Variants in GNAS observed in about 807,000 individuals in gnomAD.
The protein encoded by GNAS is protein ALEX.
In GNAS, 8 loss-of-function variants were observed where a neutral mutation model predicts 54.5. The ratio of observed to expected loss-of-function variants is 0.15; its 90% CI spans 0.09 to 0.26. The LOEUF (loss-of-function observed/expected upper bound fraction) is 0.26, where lower values mean the gene tolerates loss of function less well. GNAS is among the 10% of genes least tolerant of loss of function. The pLI, the probability that GNAS is intolerant of heterozygous loss-of-function variation, is 1.00. For synonymous variants in GNAS, 204 were observed against 191.4 expected (o/e 1.07, Z -0.54); for missense variants, 170 against 529.8 (o/e 0.32, Z 6.67).
upstream of GNAS, chr20:58,840,346 C>T: frequency 1.2e-6 from 2 of 1,613,208 alleles, no homozygotes; most frequent in Non-Finnish European, 1.7e-6. This position sits in a 1 kb window ranked among gnomAD's most constrained non-coding sequence, Gnocchi z 6.0. Context: ...CTGAGTCCCC[C>T]GAATCGGAAT....
Position 58,910,679 on chromosome 20 carries a change from G to C in GNAS, c.1039-4G>C, listed in dbSNP as rs575570315. The C allele has an allele frequency of 1.2e-6, 2 of 1,614,066 alleles. No individual in the cohort carries two copies. Among genetic ancestry groups the C allele is most frequent in the Admixed American group, 1.7e-5 (1 of 60,008 alleles). On this transcript the variant is annotated splice_polypyrimidine_tract_variant and splice_region_variant and intron_variant, in intron 12 of 12. Transcript: ENST00000371085. The surrounding 1 kb of genome is among the most constrained non-coding windows in gnomAD (Gnocchi z 5.8). ...CTGACAAGTCCCCTTGTTTGTGCCC[G>C]CAGAGGATCAGCACTGCCAGTGGAG...
At chr20:58,887,966 C>T (rs2088706745), upstream of GNAS, among the ~76,000 whole-genome samples, 1 of 152,134 alleles carries the variant, frequency 6.6e-6, no homozygotes, top group Non-Finnish European at 1.5e-5. Flanking sequence ...TTCAGTCATC[C>T]GGTTGAATGG....
At position 58,910,222 on chromosome 20, in the gene GNAS, T is replaced by C; in HGVS notation, c.971-112T>C. The C allele has an allele frequency of 8.0e-7, 1 of 1,252,126 alleles. No homozygotes were observed. The highest frequency in any genetic ancestry group is 1.2e-6 in the Non-Finnish European group (1 of 849,938). 77.6% of individuals were successfully genotyped at this position (1,252,126 alleles called of 1,614,324 possible). A position where few individuals can be genotyped will look rare whatever the true frequency, so the allele number is the denominator to read the frequency against. On this transcript the variant is annotated intron_variant, in intron 11 of 12. Transcript: ENST00000371085. The surrounding 1 kb of genome is among the most constrained non-coding windows in gnomAD (Gnocchi z 5.8). ...AGCAAGAAAAACGCACTCCCACTAATTCTCATATGGAAAAATCAGGGTTTT... is the reference window on the plus strand; with the variant it reads ...AGCAAGAAAAACGCACTCCCACTAACTCTCATATGGAAAAATCAGGGTTTT...
intron 1 of GNAS, chr20:58,855,876 A>G (rs947968663): frequency 1.9e-5 from 10 of 526,904 alleles, no homozygotes; most frequent in Non-Finnish European, 3.4e-5. Flanking sequence ...CCCCCAAATT[A>G]CCCGCCGACT....
At chr20:58,850,790 A>G (rs908508041) in intron 1 of GNAS, 2 of 398,780 alleles carry the variant, frequency 5.0e-6, no homozygotes, top group Non-Finnish European at 8.8e-6. Context: ...GAGTGACCCC[A>G]CGGCGCTAGC....
intron 1 of GNAS, among the ~76,000 whole-genome samples, chr20:58,861,976 A>C (rs2086806699): frequency 6.6e-6 from 1 of 151,970 alleles, no homozygotes; most frequent in Non-Finnish European, 1.5e-5. Context: ...AAGTGCTGGG[A>C]TTACAGGTGT....
rs745875776 is a variant in GNAS at position 58,854,836 on chromosome 20, G to A, written c.43+13950G>A. The A allele has an allele frequency of 1.4e-5, 23 of 1,595,428 alleles. No homozygotes were observed. In the East Asian group the frequency reaches 2.7e-4, roughly 19 times the overall value. ...GCAGCCCCTGCCTCCGGGGCCAGAC[G>A]CAAGATCCATCTCAGACCCCCCAGC... On this transcript the variant is annotated intron_variant, in intron 1 of 12. Transcript: ENST00000306090.
In GNAS at chr20:58,909,842, G is replaced by A. The variant is rs755361250; in HGVS notation, c.839+38G>A. ...ACCGCCCACCCCCTGCGCTTGCCCA[G>A]GAGGCCCTGGTCTGCACTGTTTATA... On this transcript the variant is annotated intron_variant, in intron 10 of 12. Coordinates refer to ENST00000371085, the MANE Select transcript of GNAS (RefSeq NM_000516.7). This position sits in a 1 kb window ranked among gnomAD's most constrained non-coding sequence, Gnocchi z 7.3. 1.9e-6 allele frequency: 3 copies of A among 1,612,860 alleles called. No individual in the cohort carries two copies. Among genetic ancestry groups the A allele is most frequent in the Non-Finnish European group, 2.5e-6 (3 of 1,179,924 alleles).
At chr20:58,849,904 C>A (rs1449333243) in intron 1 of GNAS, among the ~76,000 whole-genome samples, 1 of 152,192 alleles carries the variant, frequency 6.6e-6, no homozygotes, top group Non-Finnish European at 1.5e-5. Flanking sequence ...ACTTGCAGAA[C>A]AAAAAACTTT....
At chr20:58,846,405 G>A (rs571537154) in intron 1 of GNAS, among the ~76,000 whole-genome samples, 1 of 152,116 alleles carries the variant, frequency 6.6e-6, no homozygotes, top group Admixed American at 6.5e-5. Context: ...TCACAGATTC[G>A]ACACCATTAA....
chr20:58,877,433 C>G (rs1049960686), intron 1 of GNAS, among the ~76,000 whole-genome samples: 1 of 152,158 alleles, frequency 6.6e-6, no homozygotes. Context: ...AGATTTTAAC[C>G]CCAGGGCTGG....
chr20:58,861,777 C>T (rs1379927936), intron 1 of GNAS, among the ~76,000 whole-genome samples: 2 of 152,192 alleles, frequency 1.3e-5, no homozygotes, highest in Admixed American at 1.3e-4. Context: ...GCAATCTTGT[C>T]TCACTGCAAC....
At chr20:58,851,297 G>A (rs1455087509) in intron 1 of GNAS, among the ~76,000 whole-genome samples, 1 of 152,156 alleles carries the variant, frequency 6.6e-6, no homozygotes, top group Admixed American at 6.5e-5. Context: ...CTCTAAGAGG[G>A]ATGCATTAGA....
At chr20:58,893,180 T>A (rs1474929952) in intron 1 of GNAS, among the ~76,000 whole-genome samples, 6 of 151,444 alleles carry the variant, frequency 4.0e-5, no homozygotes, top group Non-Finnish European at 8.8e-5. Flanking sequence ...AATTAGTTGT[T>A]TATCAAGTGA....
At chr20:58,892,143 C>T (rs1274418792) in intron 1 of GNAS, 1 of 961,200 alleles carries the variant, frequency 1.0e-6, no homozygotes, top group Non-Finnish European at 1.2e-6. Context: ...TGCTCTCGCT[C>T]TCGCTCTCCC....
In GNAS at chr20:58,840,951, A is replaced by T. The variant is rs1371221344; in HGVS notation, c.43+65A>T. 4 of 1,549,662 alleles carry T rather than the reference A, an allele frequency of 2.6e-6. No homozygotes were observed. In the African/African-American group the frequency reaches 5.4e-5, roughly 21 times the overall value. ...TGTGGGAGCAGCGCAGGTGGAAAGG[A>T]GGTGAGAAGGAAAGGCAGGTCAGGG... On this transcript the variant is annotated intron_variant, in intron 1 of 12. Coordinates refer to the GNAS transcript ENST00000306090. The surrounding 1 kb of genome is among the most constrained non-coding windows in gnomAD (Gnocchi z 6.0).
chr20:58,840,164 C>T (rs747725720), upstream of GNAS: 8 of 1,611,794 alleles, frequency 5.0e-6, no homozygotes, highest in Non-Finnish European at 6.8e-6. The surrounding 1 kb of genome is among the most constrained non-coding windows in gnomAD (Gnocchi z 6.0). Flanking sequence ...TTACAACGAC[C>T]TGTGCCCGCC....
At chr20:58,900,308 C>A in intron 3 of GNAS, 1 of 356,722 alleles carries the variant, frequency 2.8e-6, no homozygotes, top group Non-Finnish European at 5.1e-6. Flanking sequence ...AACCCTTGAA[C>A]CCTACTAATA....
chr20:58,882,502 A>T (rs2088302568), intron 1 of GNAS, among the ~76,000 whole-genome samples: 1 of 152,206 alleles, frequency 6.6e-6, no homozygotes, highest in South Asian at 2.1e-4. Flanking sequence ...TTGGGAAAAA[A>T]TTTGAGTTAG....
Sources: allele counts gnomAD v4.1 joint callset (sites outside exome capture counted in the v4.1 genomes callset), GRCh38; gene constraint gnomAD v4.1.1; non-coding constraint Gnocchi (gnomAD v3.1); transcripts MANE v1.5; gene names NCBI Gene and HGNC (gene_info 2026-07-23, HGNC 2026-07-21).